The following FER variants were observed in gnomAD, a reference collection of about 807,000 sequenced individuals.
The protein encoded by FER is FER tyrosine kinase.
A neutral mutation model predicts 111.0 loss-of-function variants in FER; 63 were observed. The observed-to-expected ratio is 0.57, with a 90% CI of 0.46 to 0.70. The LOEUF is 0.70. FER is among the 30% of genes least tolerant of loss of function. The pLI is 0.00. For missense variants in FER, 914 were observed against 954.0 expected, an observed-to-expected ratio of 0.96 and a Z score of 0.55; for synonymous variants, 327 against 313.9, an observed-to-expected ratio of 1.04 and a Z score of -0.44.
At chr5:108,954,415 A>G (rs1388386327) in intron 11 of FER, among the ~76,000 whole-genome samples, 1 of 152,098 alleles carries the variant, frequency 6.6e-6, no homozygotes, top group African/African-American at 2.4e-5. Context: ...TTTCTTCATA[A>G]TTTCTCTGGT....
chr5:109,184,176 T>C (rs1758603291), intron 18 of FER, among the ~76,000 whole-genome samples: 2 of 152,188 alleles, frequency 1.3e-5, no homozygotes, highest in African/African-American at 4.8e-5. Context: ...AAATTTTCCT[T>C]TTGTCACCTG....
chr5:109,100,317 T>G, intron 16 of FER, 79 bp from the exon 17 acceptor site: 1 of 1,554,078 alleles, frequency 6.4e-7, no homozygotes, highest in Non-Finnish European at 8.8e-7. Context: ...CTGTCAAATA[T>G]TCCTAATAGA....
chr5:108,908,164 C>G (rs1751047721), intron 10 of FER, among the ~76,000 whole-genome samples: 1 of 152,076 alleles, frequency 6.6e-6, no homozygotes. Flanking sequence ...AAACTTTGGA[C>G]TATGATGATG....
intron 9 of FER, chr5:108,894,505 T>C (rs941306031): frequency 1.1e-4 from 42 of 397,786 alleles, no homozygotes; most frequent in Non-Finnish European, 2.0e-4. Context: ...ATGACACTGA[T>C]ATTAGTTAGT....
chr5:109,174,808 T>C (rs1757508204), intron 17 of FER, among the ~76,000 whole-genome samples: 1 of 152,190 alleles, frequency 6.6e-6, no homozygotes, highest in Non-Finnish European at 1.5e-5. Context: ...TGTGTGTCAT[T>C]TGATTACATT....
At chr5:109,097,478 T>C (rs1367823448) in intron 16 of FER, among the ~76,000 whole-genome samples, 3 of 151,954 alleles carry the variant, frequency 2.0e-5, no homozygotes, top group African/African-American at 7.2e-5. Context: ...GTATGCTATA[T>C]GTATCCATAT....
chr5:108,934,155 A>C (rs1755110663), intron 10 of FER, among the ~76,000 whole-genome samples: 1 of 152,092 alleles, frequency 6.6e-6, no homozygotes. Flanking sequence ...TGAATGAATG[A>C]CTGATGCCCA....
chr5:109,080,066 TAA>T (rs142080853), intron 16 of FER, among the ~76,000 whole-genome samples: 6,966 of 152,206 alleles, frequency 0.046, 218 homozygotes, highest in South Asian at 0.093. Context: ...GTTAAATGAA[TAA>T]AGTGTATCTA....
At chr5:108,788,555 G>C (rs1416008806) in intron 2 of FER, among the ~76,000 whole-genome samples, 3 of 147,832 alleles carry the variant, frequency 2.0e-5, no homozygotes, top group Admixed American at 6.7e-5. Context: ...TTTCCCTCCT[G>C]ATGCCTGTGA....
chr5:109,115,651 GTT>G (rs1293202277), intron 17 of FER, among the ~76,000 whole-genome samples: 3 of 139,394 alleles, frequency 2.2e-5, no homozygotes, highest in South Asian at 4.6e-4. Context: ...ATTTTGTGCA[GTT>G]TTTGTTTGTT....
At chr5:109,074,049 A>T (rs1776054221) in intron 16 of FER, among the ~76,000 whole-genome samples, 1 of 152,196 alleles carries the variant, frequency 6.6e-6, no homozygotes, top group Non-Finnish European at 1.5e-5. Context: ...AGGTTGGCTA[A>T]AATGCAAAGA....
intron 10 of FER, among the ~76,000 whole-genome samples, chr5:108,939,312 G>C (rs1755939462): frequency 6.6e-6 from 1 of 151,974 alleles, no homozygotes; most frequent in Admixed American, 6.6e-5. Flanking sequence ...TGTTTTGTTA[G>C]TGATCATTGT....
rs184285332 is a variant in FER, at chr5:109,011,129, G to T, written c.1657-26293G>T. On this transcript the variant is annotated intron_variant, in intron 13 of 19. Coordinates refer to ENST00000281092, the MANE Select transcript of FER (RefSeq NM_005246.4). ...AAGCATGTTTTTTAAATGTGTTAAT[G>T]CTATAGGTATTGTTTTTATCTGTTT... Among the ~76,000 whole-genome samples the T allele has an allele frequency of 1.1e-3, 170 of 152,050 alleles. 3 individuals carry two copies. The East Asian group carries it at 0.031, about 28-fold the overall frequency.
chr5:109,000,092 T>C (rs181623824), intron 13 of FER, among the ~76,000 whole-genome samples: 1 of 152,014 alleles, frequency 6.6e-6, no homozygotes, highest in East Asian at 1.9e-4. Context: ...GCATAGTCTT[T>C]TAATGTATAT....
At chr5:109,118,334 C>G (rs1302895031) in intron 17 of FER, among the ~76,000 whole-genome samples, 1 of 152,114 alleles carries the variant, frequency 6.6e-6, no homozygotes, top group Admixed American at 6.5e-5. Flanking sequence ...GTTGAACCAG[C>G]CTTGCATCCC....
intron 13 of FER, among the ~76,000 whole-genome samples, chr5:108,992,145 T>C (rs1185566416): frequency 6.6e-6 from 1 of 152,188 alleles, no homozygotes; most frequent in Non-Finnish European, 1.5e-5. Context: ...TTAATCCATT[T>C]AACCCTGAGT....
intron 17 of FER, among the ~76,000 whole-genome samples, chr5:109,171,426 A>C (rs1757080848): frequency 2.0e-5 from 3 of 152,228 alleles, no homozygotes; most frequent in Admixed American, 2.0e-4. Context: ...GGAAGTATTT[A>C]GTGTACAGAT....
At chr5:109,030,296 C>A (rs1377193778) in intron 13 of FER, among the ~76,000 whole-genome samples, 1 of 152,142 alleles carries the variant, frequency 6.6e-6, no homozygotes. Context: ...ATTCCAACAT[C>A]AGATCCATCC....
chr5:108,978,093 G>A (rs1489929958), intron 13 of FER, among the ~76,000 whole-genome samples: 1 of 152,114 alleles, frequency 6.6e-6, no homozygotes, highest in African/African-American at 2.4e-5. Flanking sequence ...GCGTCTGCCC[G>A]CCTTGGTCTC....
Sources: gnomAD v4.1 joint callset for allele counts (sites outside exome capture counted in the v4.1 genomes callset) on GRCh38, gnomAD v4.1.1 for gene constraint, MANE v1.5 for transcripts, NCBI Gene and HGNC (gene_info 2026-07-23, HGNC 2026-07-21) for gene names.